Variants in PLEKHA5 observed in about 807,000 individuals in gnomAD.
PLEKHA5 encodes pleckstrin homology domain-containing family A member 5.
PLEKHA5 carries 55 observed loss-of-function variants against 181.9 expected under a neutral mutation model. The observed-to-expected ratio is 0.30, with a 90% CI of 0.24 to 0.38. The LOEUF is 0.38. Among genes scored for constraint, PLEKHA5 ranks in the 10% least tolerant of loss-of-function variants. The probability of loss-of-function intolerance (pLI) is 1.00; values close to 1 mark genes in which losing one functional copy is unlikely to be tolerated. For synonymous variants in PLEKHA5, 535 were observed against 529.4 expected, an observed-to-expected ratio of 1.01 and a Z score of -0.15; for missense variants, 1,432 against 1,549.5, an observed-to-expected ratio of 0.92 and a Z score of 1.27.
rs139664305 is a variant in PLEKHA5, at chr12:19,322,378, C to A, written c.2286C>A (p.Leu762=). 47 of 1,610,838 alleles carry A rather than the reference C, an allele frequency of 2.9e-5. No homozygotes were observed. In the South Asian group the frequency reaches 3.3e-4, roughly 11 times the overall value. Residue 762 remains leucine (L), a synonymous_variant, in exon 19 of 32, where the codon CTC becomes CTA. Coordinates refer to ENST00000429027, the MANE Select transcript of PLEKHA5 (RefSeq NM_001256470.2). The part of the protein sequence containing the change: ...VHALEEKLQQ[L]HKEKYTLEQA... ...CTCTGGAAGAGAAACTTCAGCAACT[C>A]CACAAGGAGAAAGTAGGACAATTAT...
At chr12:19,358,149 A>G (rs1247398631) in intron 26 of PLEKHA5, 79 bp from the exon 27 acceptor site, 3 of 931,980 alleles carry the variant, frequency 3.2e-6, no homozygotes, top group Non-Finnish European at 4.9e-6. Flanking sequence ...AAATAAATGC[A>G]CTTTACAACA....
intron 3 of PLEKHA5, among the ~76,000 whole-genome samples, chr12:19,175,940 C>T (rs542982816): frequency 1.8e-4 from 28 of 152,248 alleles, no homozygotes; most frequent in African/African-American, 6.0e-4. Context: ...CCCCACACCT[C>T]AGTATTCATT....
At chr12:19,313,476 A>G (rs1464287596) in intron 15 of PLEKHA5, among the ~76,000 whole-genome samples, 1 of 152,220 alleles carries the variant, frequency 6.6e-6, no homozygotes, top group Non-Finnish European at 1.5e-5. Flanking sequence ...GTGGTAAAGT[A>G]ACATGAGGGA....
intron 3 of PLEKHA5, among the ~76,000 whole-genome samples, chr12:19,135,887 T>G (rs1398505093): frequency 6.6e-6 from 1 of 151,644 alleles, no homozygotes. Flanking sequence ...CTTTGTTTTT[T>G]TTTTTTTTTT....
intron 3 of PLEKHA5, among the ~76,000 whole-genome samples, chr12:19,146,716 C>T (rs915618236): frequency 1.3e-5 from 2 of 152,070 alleles, no homozygotes; most frequent in East Asian, 1.9e-4. Flanking sequence ...CATAATATAC[C>T]TTAGACCAGT....
intron 5 of PLEKHA5, 99 bp from the exon 6 acceptor site, chr12:19,257,334 T>C: frequency 1.6e-6 from 1 of 619,284 alleles, no homozygotes; most frequent in South Asian, 2.4e-5. Context: ...CCTGCAAGTC[T>C]TGGGAAAATC....
chr12:19,333,640 G>A (rs576691501), intron 20 of PLEKHA5, among the ~76,000 whole-genome samples: 154 of 133,714 alleles, frequency 1.2e-3, no homozygotes, highest in African/African-American at 4.0e-3. Flanking sequence ...ATGGAGTCTC[G>A]CACTGTCGCC....
rs1733411783 is a variant in PLEKHA5, at chr12:19,215,527, T to G, written c.228-38413T>G. Among the ~76,000 whole-genome samples the G allele has an allele frequency of 2.6e-5, 4 of 152,196 alleles. No homozygotes were observed. In the South Asian group the frequency reaches 8.3e-4, roughly 31 times the overall value. On this transcript the variant is annotated intron_variant, in intron 3 of 31. Coordinates refer to ENST00000429027, the MANE Select transcript of PLEKHA5 (RefSeq NM_001256470.2). ...TTGGATAACAGCATCCCCTGTCACTTCAAGTTATACTTTTTAAAAATTGTA... is the reference window on the plus strand; with the variant it reads ...TTGGATAACAGCATCCCCTGTCACTGCAAGTTATACTTTTTAAAAATTGTA...
intron 3 of PLEKHA5, among the ~76,000 whole-genome samples, chr12:19,203,910 T>C (rs1341431532): frequency 6.6e-6 from 1 of 152,118 alleles, no homozygotes; most frequent in Non-Finnish European, 1.5e-5. Context: ...CATAGAGCTT[T>C]CTTTGAGTAC....
intron 30 of PLEKHA5, among the ~76,000 whole-genome samples, chr12:19,369,225 G>C (rs2095514287): frequency 6.6e-6 from 1 of 151,682 alleles, no homozygotes; most frequent in South Asian, 2.1e-4. Context: ...AGTAGAGTCG[G>C]GGTTTCACCA....
chr12:19,131,234 A>C (rs904778537), intron 2 of PLEKHA5, among the ~76,000 whole-genome samples: 2 of 152,130 alleles, frequency 1.3e-5, no homozygotes, highest in South Asian at 2.1e-4. Flanking sequence ...GGACTCTGAC[A>C]TTCCGTGAAT....
chr12:19,327,589 A>G (rs1411256324), intron 20 of PLEKHA5, among the ~76,000 whole-genome samples: 1 of 149,158 alleles, frequency 6.7e-6, no homozygotes, highest in Non-Finnish European at 1.5e-5. Context: ...GAAGCTCTTT[A>G]ATTAGCTCCC....
intron 3 of PLEKHA5, among the ~76,000 whole-genome samples, chr12:19,169,798 A>C (rs1470058916): frequency 1.3e-5 from 2 of 152,112 alleles, no homozygotes; most frequent in Admixed American, 1.3e-4. Flanking sequence ...AGTCTCTTGG[A>C]CTTGGATTGA....
chr12:19,320,650 T>A (rs776666709), intron 18 of PLEKHA5, 26 bp downstream of exon 18: 1 of 1,081,868 alleles, frequency 9.2e-7, no homozygotes, highest in Non-Finnish European at 1.4e-6. Flanking sequence ...ATATATGTGG[T>A]CAGTACTCTG....
chr12:19,171,230 TGAGA>T (rs1449785633), intron 3 of PLEKHA5, among the ~76,000 whole-genome samples: 3 of 152,090 alleles, frequency 2.0e-5, no homozygotes, highest in African/African-American at 2.4e-5. Context: ...AGAAATCAAT[TGAGA>T]GAGGGAGTGA....
At chr12:19,271,501 C>CA (rs1015775296) in intron 10 of PLEKHA5, among the ~76,000 whole-genome samples, 12 of 147,964 alleles carry the variant, frequency 8.1e-5, no homozygotes, top group East Asian at 5.9e-4. Flanking sequence ...GAGACCCTGT[C>CA]AAAAAAAAAT....
intron 26 of PLEKHA5, among the ~76,000 whole-genome samples, chr12:19,357,692 G>A (rs1023030135): frequency 6.6e-6 from 1 of 151,034 alleles, no homozygotes; most frequent in Admixed American, 6.6e-5. Context: ...CTGGAGTGCA[G>A]TAGCACGATC....
chr12:19,176,560 G>C (rs578064304), intron 3 of PLEKHA5: 1 of 152,090 alleles, frequency 6.6e-6, no homozygotes, highest in Admixed American at 6.6e-5. Flanking sequence ...CTAAGTAGCT[G>C]GGACTATAGG....
intron 15 of PLEKHA5, 22 bp downstream of exon 15, chr12:19,291,719 T>C (rs1305440904): frequency 2.3e-6 from 3 of 1,285,664 alleles, no homozygotes; most frequent in East Asian, 5.1e-5. Flanking sequence ...AGAGATTTTC[T>C]TACTTTTAAT....
Sources: allele counts gnomAD v4.1 joint callset (sites outside exome capture counted in the v4.1 genomes callset), GRCh38; gene constraint gnomAD v4.1.1; transcripts MANE v1.5; gene names NCBI Gene and HGNC (gene_info 2026-07-23, HGNC 2026-07-21).